The following CDH12 variants were observed in gnomAD, a reference collection of about 807,000 sequenced individuals.
CDH12 encodes the protein cadherin-12.
A neutral mutation model predicts 74.1 loss-of-function variants in CDH12; 41 were observed. The ratio of observed to expected loss-of-function variants is 0.55; its 90% CI spans 0.43 to 0.72. The LOEUF (loss-of-function observed/expected upper bound fraction) is 0.72. Among genes scored for constraint, CDH12 ranks in the 30% least tolerant of loss-of-function variants. The pLI is 0.00. For missense variants in CDH12, 945 were observed against 977.2 expected, an observed-to-expected ratio of 0.97 and a Z score of 0.44; for synonymous variants, 399 against 355.0, an observed-to-expected ratio of 1.12 and a Z score of -1.39.
At chr5:21,808,973 A>G (rs1163146442) in intron 9 of CDH12, among the ~76,000 whole-genome samples, 2 of 152,226 alleles carry the variant, frequency 1.3e-5, no homozygotes, top group East Asian at 3.9e-4. Flanking sequence ...TTAATAATAT[A>G]TAAGCTTATA....
chr5:22,416,811 A>G (rs1358487815), intron 2 of CDH12, among the ~76,000 whole-genome samples: 4 of 152,212 alleles, frequency 2.6e-5, no homozygotes, highest in Non-Finnish European at 5.9e-5. Context: ...TGCCATCTGA[A>G]ATTGAAAGAG....
At chr5:22,821,227 A>T (rs921727624) in intron 1 of CDH12, among the ~76,000 whole-genome samples, 2 of 152,162 alleles carry the variant, frequency 1.3e-5, no homozygotes, top group African/African-American at 2.4e-5. Flanking sequence ...TATTGATGGG[A>T]TGTATCTCAA....
intron 1 of CDH12, among the ~76,000 whole-genome samples, chr5:22,577,836 T>G (rs1313637071): frequency 6.6e-6 from 1 of 152,174 alleles, no homozygotes; most frequent in East Asian, 1.9e-4. Flanking sequence ...CAAGAAGACC[T>G]AAAATTTTCT....
chr5:22,213,174 C>A (rs1278574775), intron 3 of CDH12, among the ~76,000 whole-genome samples: 4 of 152,096 alleles, frequency 2.6e-5, no homozygotes, highest in East Asian at 3.9e-4. Flanking sequence ...ATACTTCAAC[C>A]TTTGTCGAAC....
chr5:21,875,919 C>T (rs1292332426), intron 6 of CDH12, among the ~76,000 whole-genome samples: 1 of 114,044 alleles, frequency 8.8e-6, no homozygotes, highest in East Asian at 3.1e-4. Context: ...TTTTCTGAAA[C>T]GGAGTCTCGC....
intron 6 of CDH12, among the ~76,000 whole-genome samples, chr5:21,860,122 T>G (rs1750963699): frequency 6.6e-6 from 1 of 152,066 alleles, no homozygotes; most frequent in Non-Finnish European, 1.5e-5. Context: ...CGTGACTCGT[T>G]GCAGAAATGA....
chr5:22,390,062 A>G (rs1342923583), intron 3 of CDH12, among the ~76,000 whole-genome samples: 25 of 152,008 alleles, frequency 1.6e-4, no homozygotes, highest in Admixed American at 1.6e-3. Flanking sequence ...AGGTATTGGC[A>G]TAGATTCACA....
chr5:21,953,364 A>C (rs2355273), intron 6 of CDH12, among the ~76,000 whole-genome samples: 43,858 of 152,134 alleles, frequency 0.29, 10,111 homozygotes, highest in African/African-American at 0.64. Context: ...ATGTATAAAA[A>C]CAAACTGTAA....
chr5:22,186,759 C>T (rs1192703249), intron 4 of CDH12, among the ~76,000 whole-genome samples: 9 of 152,200 alleles, frequency 5.9e-5, no homozygotes, highest in Non-Finnish European at 1.3e-4. Context: ...GTGTGAGTCA[C>T]TGAGCCTGGC....
chr5:22,048,648 G>T (rs1051254428), intron 5 of CDH12, among the ~76,000 whole-genome samples: 5 of 152,062 alleles, frequency 3.3e-5, no homozygotes, highest in African/African-American at 1.2e-4. Flanking sequence ...AGTGGGGGTT[G>T]GGGGAAGACA....
intron 13 of CDH12, among the ~76,000 whole-genome samples, chr5:21,759,202 G>A (rs183051072): frequency 1.3e-3 from 190 of 151,514 alleles, no homozygotes; most frequent in Non-Finnish European, 2.1e-3. Context: ...CACATTTAAA[G>A]TATAATGTTT....
intron 3 of CDH12, among the ~76,000 whole-genome samples, chr5:22,225,567 T>C (rs2150371518): frequency 6.6e-6 from 1 of 152,252 alleles, no homozygotes; most frequent in South Asian, 2.1e-4. Flanking sequence ...GATGAAACAT[T>C]TTTGTAGATA....
At chr5:22,436,718 A>G (rs1744410519) in intron 2 of CDH12, among the ~76,000 whole-genome samples, 1 of 152,118 alleles carries the variant, frequency 6.6e-6, no homozygotes, top group African/African-American at 2.4e-5. Context: ...CAATATAGAA[A>G]AAAAATAAAA....
chr5:22,153,912 ATACAC>A (rs1448448899), intron 4 of CDH12, among the ~76,000 whole-genome samples: 1 of 110,732 alleles, frequency 9.0e-6, no homozygotes, highest in African/African-American at 3.5e-5. Flanking sequence ...ATACACACAC[ATACAC>A]ACACACACAC....
chr5:22,533,386 T>C (rs934370875), intron 1 of CDH12, among the ~76,000 whole-genome samples: 1 of 152,210 alleles, frequency 6.6e-6, no homozygotes, highest in African/African-American at 2.4e-5. Context: ...GTTGTCATAA[T>C]ATAACAAGTA....
At chr5:22,449,950 T>G (rs1744977675) in intron 2 of CDH12, among the ~76,000 whole-genome samples, 1 of 152,016 alleles carries the variant, frequency 6.6e-6, no homozygotes, top group Admixed American at 6.6e-5. Context: ...AGTGATTTCA[T>G]GTATGTATTT....
intron 5 of CDH12, among the ~76,000 whole-genome samples, chr5:22,063,662 G>A (rs186859089): frequency 1.3e-5 from 2 of 151,294 alleles, no homozygotes; most frequent in East Asian, 1.9e-4. Flanking sequence ...CTGGTCCAGG[G>A]TACTAGATAT....
At chr5:22,203,879 C>T (rs150983590) in intron 4 of CDH12, among the ~76,000 whole-genome samples, 457 of 152,236 alleles carry the variant, frequency 3.0e-3, no homozygotes, top group African/African-American at 0.01. Flanking sequence ...TCCTGTTGGC[C>T]ATTGTATGTC....
intron 1 of CDH12, chr5:22,580,593 A>AT (rs1469516917): frequency 6.3e-6 from 3 of 474,694 alleles, no homozygotes; most frequent in Admixed American, 2.2e-5. Flanking sequence ...AAACTTTTGG[A>AT]TTTTTTTAAT....
Sources: allele counts gnomAD v4.1 joint callset (sites outside exome capture counted in the v4.1 genomes callset), GRCh38; gene constraint gnomAD v4.1.1; transcripts MANE v1.5; gene names NCBI Gene and HGNC (gene_info 2026-07-23, HGNC 2026-07-21).